Variants in FCHSD2 observed in about 807,000 individuals in gnomAD.
FCHSD2 encodes the protein F-BAR and double SH3 domains protein 2.
In FCHSD2, 38 loss-of-function variants were observed where a neutral mutation model predicts 108.1. The observed-to-expected ratio is 0.35, with a 90% CI of 0.27 to 0.46. The LOEUF (loss-of-function observed/expected upper bound fraction) is 0.46. Ranked by LOEUF, FCHSD2 falls within the 20% of genes least tolerant of loss-of-function variation. FCHSD2 has a pLI of 1.00. For synonymous variants in FCHSD2, 279 were observed against 314.7 expected (o/e 0.89, Z 1.20); for missense variants, 751 against 897.8 (o/e 0.84, Z 2.09).
At chr11:72,861,931 C>A (rs77146803) in intron 13 of FCHSD2, among the ~76,000 whole-genome samples, 4 of 109,548 alleles carry the variant, frequency 3.7e-5, no homozygotes, top group African/African-American at 6.9e-5. Context: ...AACGCCGTCT[C>A]AAAAAAAAAA....
At chr11:72,965,129 C>T (rs1856884779) in intron 8 of FCHSD2, among the ~76,000 whole-genome samples, 1 of 152,106 alleles carries the variant, frequency 6.6e-6, no homozygotes, top group Admixed American at 6.5e-5. Context: ...TGATAGATCC[C>T]CATTGCCTGT....
chr11:72,850,993 G>A (rs745606453), intron 13 of FCHSD2, among the ~76,000 whole-genome samples: 6 of 147,486 alleles, frequency 4.1e-5, no homozygotes, highest in Admixed American at 1.4e-4. Context: ...CAGCTACTGC[G>A]AAGGCTGAGG....
intron 13 of FCHSD2, among the ~76,000 whole-genome samples, chr11:72,862,388 G>A (rs1228505604): frequency 2.6e-5 from 4 of 152,132 alleles, no homozygotes; most frequent in Non-Finnish European, 4.4e-5. Context: ...AGTGAGTTTA[G>A]CAAGATTGCA....
rs1189534694 is a variant in FCHSD2 at position 72,867,965 on chromosome 11, T to C, written c.1208A>G (p.Asp403Gly). 6.3e-7 allele frequency: 1 copy of C among 1,591,634 alleles called. No individual in the cohort carries two copies. Among genetic ancestry groups the C allele is most frequent in the African/African-American group, 1.3e-5 (1 of 74,888 alleles). ...GTTCATGGCACTCTTTAGCCATGTG[T>C]CCACAGAAACACCAATCTGCTTTAG... Reference protein sequence around the residue: ...DLLKQIGVSVDTWLKSAMNQV... With the variant: ...DLLKQIGVSVGTWLKSAMNQV... Residue 403 changes from aspartate (D) to glycine (G), a missense_variant, in exon 13 of 20, where the codon GAC (aspartate) becomes GGC (glycine). Physicochemically the swap from Asp to Gly is moderately conservative, Grantham distance 94. Transcript: ENST00000409418.
rs546896239 is a variant in FCHSD2 at position 73,052,159 on chromosome 11, T to A, written c.165+31536A>T. Reference sequence around the variant, plus strand: ...TGGTATATATGTGATCTGAACATGATGGTGCTGTGAAGGAAGAATTATTTT... The same window carrying A: ...TGGTATATATGTGATCTGAACATGAAGGTGCTGTGAAGGAAGAATTATTTT... On this transcript the variant is annotated intron_variant, in intron 3 of 19. Transcript: ENST00000409418. Among the ~76,000 whole-genome samples the A allele has an allele frequency of 5.3e-5, 8 of 152,328 alleles. No individual in the cohort carries two copies. In the South Asian group the frequency reaches 1.5e-3, roughly 28 times the overall value.
At chr11:73,062,857 A>G (rs1185494702) in intron 3 of FCHSD2, among the ~76,000 whole-genome samples, 1 of 152,230 alleles carries the variant, frequency 6.6e-6, no homozygotes, top group Non-Finnish European at 1.5e-5. Flanking sequence ...CAGTTGGAAA[A>G]CACACTTCAG....
At chr11:72,948,620 T>A (rs1292546662) in intron 8 of FCHSD2, among the ~76,000 whole-genome samples, 1 of 152,114 alleles carries the variant, frequency 6.6e-6, no homozygotes, top group Admixed American at 6.5e-5. Context: ...AAATTTTAAC[T>A]TACCATTTTA....
At chr11:73,077,640 A>T (rs1353265107) in intron 3 of FCHSD2, 1 of 438,320 alleles carries the variant, frequency 2.3e-6, no homozygotes. Context: ...AGGAAAATGG[A>T]TAAACTGTGG....
chr11:73,081,835 C>T (rs140930483), intron 3 of FCHSD2, among the ~76,000 whole-genome samples: 91 of 152,300 alleles, frequency 6.0e-4, no homozygotes, highest in African/African-American at 2.0e-3. Flanking sequence ...ATATAAAATA[C>T]TCAGAGCATG....
intron 2 of FCHSD2, among the ~76,000 whole-genome samples, chr11:73,111,222 C>T (rs565873855): frequency 1.6e-3 from 237 of 152,146 alleles, no homozygotes; most frequent in African/African-American, 5.2e-3. Context: ...GATGTTTCTT[C>T]GCTGATTTTC....
intron 2 of FCHSD2, among the ~76,000 whole-genome samples, chr11:73,086,326 T>C (rs1859816183): frequency 6.6e-6 from 1 of 152,172 alleles, no homozygotes; most frequent in Non-Finnish European, 1.5e-5. Flanking sequence ...GGAGAATTGC[T>C]TGAACCCAGA....
chr11:73,028,818 A>G (rs1858290656), intron 3 of FCHSD2, among the ~76,000 whole-genome samples: 1 of 152,126 alleles, frequency 6.6e-6, no homozygotes, highest in Non-Finnish European at 1.5e-5. Flanking sequence ...TGATGGTTTA[A>G]AAGTTTAGCA....
chr11:73,047,543 G>A (rs1858797914), intron 3 of FCHSD2, among the ~76,000 whole-genome samples: 1 of 152,140 alleles, frequency 6.6e-6, no homozygotes, highest in African/African-American at 2.4e-5. Flanking sequence ...CCTAGCCACT[G>A]CCAAGGATAA....
At chr11:73,059,503 G>A (rs1474552525) in intron 3 of FCHSD2, among the ~76,000 whole-genome samples, 1 of 152,036 alleles carries the variant, frequency 6.6e-6, no homozygotes, top group Admixed American at 6.5e-5. Context: ...CCCTAAAAAC[G>A]AGGAATGCTC....
At chr11:73,094,643 G>A (rs1040219218) in intron 2 of FCHSD2, among the ~76,000 whole-genome samples, 1 of 152,110 alleles carries the variant, frequency 6.6e-6, no homozygotes, top group African/African-American at 2.4e-5. Context: ...TTTTATAAAT[G>A]ACACTGCTTA....
intron 8 of FCHSD2, among the ~76,000 whole-genome samples, chr11:72,974,057 C>T (rs1253205562): frequency 8.1e-6 from 1 of 123,666 alleles, no homozygotes; most frequent in Non-Finnish European, 1.6e-5. Flanking sequence ...GAGTTGATAA[C>T]AGACAGGTAA....
intron 2 of FCHSD2, among the ~76,000 whole-genome samples, chr11:73,127,384 T>TAAATTACTCCCG (rs1361554130): frequency 2.6e-5 from 4 of 152,056 alleles, no homozygotes; most frequent in Non-Finnish European, 5.9e-5. Flanking sequence ...TAAGGTTCCA[T>TAAATTACTCCCG]AAATTACTCC....
chr11:72,844,506 C>T (rs1861065727), intron 14 of FCHSD2, among the ~76,000 whole-genome samples: 1 of 152,140 alleles, frequency 6.6e-6, no homozygotes. Flanking sequence ...AGCAATCCAC[C>T]AGCATCAGCC....
chr11:73,102,402 T>C (rs1471995801), intron 2 of FCHSD2, among the ~76,000 whole-genome samples: 1 of 152,172 alleles, frequency 6.6e-6, no homozygotes, highest in African/African-American at 2.4e-5. Context: ...TAAAAACATA[T>C]GTCCACAGAA....
Sources: allele counts gnomAD v4.1 joint callset (sites outside exome capture counted in the v4.1 genomes callset), GRCh38; gene constraint gnomAD v4.1.1; transcripts MANE v1.5; gene names NCBI Gene and HGNC (gene_info 2026-07-23, HGNC 2026-07-21).